INSL6: variants seen among roughly 807,000 people sequenced by gnomAD.
INSL6 encodes the protein insulin-like peptide INSL6.
INSL6 carries 16 observed loss-of-function variants against 9.4 expected under a neutral mutation model. The ratio of observed to expected loss-of-function variants is 1.70; its 90% confidence interval spans 1.15 to 2.59. The LOEUF is 2.59. Ranked by LOEUF, INSL6 falls within the 30% of genes most tolerant of loss-of-function variation. The pLI is 0.00. For missense variants in INSL6, 391 were observed against 257.3 expected (o/e 1.52, Z -3.56); for synonymous variants, 154 against 96.9 (o/e 1.59, Z -3.46).
chr9:4,996,360 A>G, the INSL6 span, among the ~76,000 whole-genome samples: 170 of 152,242 alleles, frequency 1.1e-3, 1 homozygote, highest in African/African-American at 3.7e-3. Flanking sequence ...AGACAGGAGA[A>G]TCGCTTGTAC....
downstream of INSL6, among the ~76,000 whole-genome samples, chr9:5,162,511 C>T (rs773132290): frequency 6.6e-6 from 1 of 152,116 alleles, no homozygotes; most frequent in Non-Finnish European, 1.5e-5. Flanking sequence ...AAGTACAGAC[C>T]TATACCCTTT....
chr9:5,032,370 T>A, the INSL6 span, among the ~76,000 whole-genome samples: 1 of 152,226 alleles, frequency 6.6e-6, no homozygotes, highest in Non-Finnish European at 1.5e-5. Flanking sequence ...CAGACTTAAA[T>A]GTCCCTGTCT....
At chr9:5,149,264 C>T (rs531617611) in intron 2 of INSL6, among the ~76,000 whole-genome samples, 1 of 152,306 alleles carries the variant, frequency 6.6e-6, no homozygotes, top group South Asian at 2.1e-4. Flanking sequence ...ATTCCCAGCT[C>T]CCTCCCTTTT....
At chr9:5,085,115 T>G in the INSL6 span, 5 of 652,376 alleles carry the variant, frequency 7.7e-6, no homozygotes, top group African/African-American at 1.8e-5. Context: ...AGGTAGGTTG[T>G]TTGTTTTACA....
intron 2 of INSL6, among the ~76,000 whole-genome samples, chr9:5,151,088 A>G (rs1824703923): frequency 6.6e-6 from 1 of 152,170 alleles, no homozygotes; most frequent in South Asian, 2.1e-4. Flanking sequence ...ACTGTGAAAG[A>G]GGAGGGGGTG....
At chr9:5,172,292 C>A (rs1207835888) in intron 1 of INSL6, among the ~76,000 whole-genome samples, 1 of 151,956 alleles carries the variant, frequency 6.6e-6, no homozygotes, top group African/African-American at 2.4e-5. Context: ...CTTCCCTACA[C>A]CTTATAGAAA....
the INSL6 span, among the ~76,000 whole-genome samples, chr9:5,063,391 A>G: frequency 6.6e-6 from 1 of 152,216 alleles, no homozygotes; most frequent in Non-Finnish European, 1.5e-5. Flanking sequence ...CGATCACAGC[A>G]TCTTACTTTG....
intron 1 of INSL6, among the ~76,000 whole-genome samples, chr9:5,179,790 C>T (rs756095347): frequency 1.3e-5 from 2 of 152,090 alleles, no homozygotes; most frequent in Non-Finnish European, 2.9e-5. Flanking sequence ...GTGAACTGAA[C>T]GATGAGAACA....
intron 2 of INSL6, among the ~76,000 whole-genome samples, chr9:5,156,415 A>G (rs773164463): frequency 1.4e-4 from 22 of 152,208 alleles, no homozygotes; most frequent in Non-Finnish European, 3.2e-4. Flanking sequence ...TATTGATGCA[A>G]AACCCCATTC....
At chr9:5,076,024 A>G in the INSL6 span, among the ~76,000 whole-genome samples, 2 of 152,262 alleles carry the variant, frequency 1.3e-5, no homozygotes, top group Admixed American at 1.3e-4. Context: ...CACTGCAGAG[A>G]TGGTGGAAAC....
At chr9:5,051,914 C>T in the INSL6 span, among the ~76,000 whole-genome samples, 4 of 151,536 alleles carry the variant, frequency 2.6e-5, no homozygotes, top group East Asian at 7.7e-4. Flanking sequence ...GGGTGTAGGC[C>T]ATAGGGTATA....
the INSL6 span, among the ~76,000 whole-genome samples, chr9:5,014,676 C>G: frequency 6.6e-6 from 1 of 152,092 alleles, no homozygotes; most frequent in African/African-American, 2.4e-5. Flanking sequence ...GACTGGTACA[C>G]TTAAGATTTG....
chr9:5,090,739 G>A, the INSL6 span: 1 of 1,599,572 alleles, frequency 6.3e-7, no homozygotes, highest in Non-Finnish European at 8.5e-7. Flanking sequence ...TTATCCATAG[G>A]GTATGGAGTA....
chr9:5,159,312 T>G (rs925468277), downstream of INSL6, among the ~76,000 whole-genome samples: 1 of 151,216 alleles, frequency 6.6e-6, no homozygotes. Flanking sequence ...AAATTGAATG[T>G]GAGGGGACTA....
At chr9:5,123,114 C>T, downstream of INSL6, 1 of 1,576,864 alleles carries the variant, frequency 6.3e-7, no homozygotes, top group Non-Finnish European at 8.6e-7. Context: ...AGTAAAAGTC[C>T]ACCAGCGGTC....
the INSL6 span, chr9:5,090,810 C>A: frequency 1.9e-6 from 3 of 1,613,174 alleles, no homozygotes; most frequent in Non-Finnish European, 2.5e-6. Context: ...TGGTGGAGAA[C>A]GAGAACAGAG....
the INSL6 span, among the ~76,000 whole-genome samples, chr9:5,114,993 C>G: frequency 6.6e-6 from 1 of 152,158 alleles, no homozygotes; most frequent in South Asian, 2.1e-4. Context: ...CAATACCATT[C>G]AGGACATAGG....
the INSL6 span, among the ~76,000 whole-genome samples, chr9:5,033,338 T>G: frequency 3.5e-4 from 53 of 152,328 alleles, no homozygotes; most frequent in African/African-American, 1.2e-3. Context: ...CCAGGAGAAC[T>G]TCCCTAATCT....
the INSL6 span, among the ~76,000 whole-genome samples, chr9:5,088,017 G>A: frequency 1.3e-5 from 2 of 152,150 alleles, no homozygotes; most frequent in African/African-American, 4.8e-5. Flanking sequence ...TAAGTAGAGG[G>A]GAAGAAGATA....
Sources: gnomAD v4.1 joint callset for allele counts (sites outside exome capture counted in the v4.1 genomes callset) on GRCh38, gnomAD v4.1.1 for gene constraint, MANE v1.5 for transcripts, NCBI Gene and HGNC (gene_info 2026-07-23, HGNC 2026-07-21) for gene names.